Variants in KCNIP1 observed in about 807,000 individuals in gnomAD.
KCNIP1 encodes A-type potassium channel modulatory protein KCNIP1.
In KCNIP1, 18 loss-of-function variants were observed where a neutral mutation model predicts 33.0. The observed-to-expected ratio is 0.55, with a 90% confidence interval of 0.38 to 0.81. KCNIP1 has a LOEUF of 0.81. Among genes scored for constraint, KCNIP1 ranks in the 30% least tolerant of loss-of-function variants. The pLI, the probability that KCNIP1 is intolerant of heterozygous loss-of-function variation, is 0.00. For missense variants in KCNIP1, 238 were observed against 271.6 expected (o/e 0.88, Z 0.87); for synonymous variants, 93 against 98.3 (o/e 0.95, Z 0.32).
intron 1 of KCNIP1, chr5:170,712,823 T>C: frequency 6.2e-7 from 1 of 1,611,688 alleles, no homozygotes; most frequent in Non-Finnish European, 8.5e-7. Flanking sequence ...GATGAATCGA[T>C]TTGGTAAAAT....
chr5:170,575,665 C>T (rs925270573), intron 1 of KCNIP1, among the ~76,000 whole-genome samples: 2 of 152,164 alleles, frequency 1.3e-5, no homozygotes, highest in African/African-American at 4.8e-5. Context: ...TCACTTAGTC[C>T]TCCCACTTGC....
At position 170,718,829 on chromosome 5, in the gene KCNIP1, C is replaced by G; in HGVS notation, c.133C>G (p.Gln45Glu). ...RPEGLEQLEA[Q>E]TNFTKRELQV... ...CGAGGGACTGGAGCAGCTCGAGGCC[C>G]AGACCAACTTCACCAAGAGGGAGCT... is the stretch of plus-strand genomic sequence containing the variant. Residue 45 changes from glutamine (Q) to glutamate (E), a missense_variant, in exon 2 of 8, where the codon CAG becomes GAG. By Grantham distance (29) the Gln-to-Glu change is conservative (BLOSUM62 2). Coordinates refer to ENST00000328939, the MANE Select transcript of KCNIP1 (RefSeq NM_014592.4). 6.2e-7 allele frequency: 1 copy of G among 1,609,862 alleles called. No homozygotes were observed. The highest frequency in any genetic ancestry group is 8.5e-7 in the Non-Finnish European group (1 of 1,178,634).
chr5:170,563,753 G>A (rs144407479), intron 1 of KCNIP1, among the ~76,000 whole-genome samples: 17 of 152,128 alleles, frequency 1.1e-4, no homozygotes, highest in African/African-American at 4.1e-4. Flanking sequence ...CGATTCTCCT[G>A]CCTCAGCCTC....
chr5:170,396,184 A>T (rs1409791492), intron 1 of KCNIP1, among the ~76,000 whole-genome samples: 1 of 152,236 alleles, frequency 6.6e-6, no homozygotes, highest in East Asian at 1.9e-4. Context: ...ATAGGAAACC[A>T]CAGGGAACAG....
chr5:170,383,720 C>T lies in KCNIP1; in HGVS notation c.88+29756C>T, dbSNP rs371750445. 6.8e-6 allele frequency: 11 copies of T among 1,614,066 alleles called. No individual in the cohort carries two copies. In the African/African-American group the frequency reaches 1.5e-4, roughly 22 times the overall value. On this transcript the variant is annotated intron_variant, in intron 1 of 7. Transcript: ENST00000377360. Reference sequence around the variant, plus strand: ...CGAGTGTCCTCCGTGTGGTACAGCACAGCCCACCTGCCGGCAGCTGACACG... The same window carrying T: ...CGAGTGTCCTCCGTGTGGTACAGCATAGCCCACCTGCCGGCAGCTGACACG...
intron 1 of KCNIP1, among the ~76,000 whole-genome samples, chr5:170,528,685 A>C (rs558425678): frequency 9.2e-5 from 14 of 152,344 alleles, no homozygotes; most frequent in Non-Finnish European, 1.8e-4. Flanking sequence ...GTTCATAGAC[A>C]GGAAATCTGT....
At chr5:170,724,405 C>T (rs1763937989) in intron 5 of KCNIP1, among the ~76,000 whole-genome samples, 1 of 151,952 alleles carries the variant, frequency 6.6e-6, no homozygotes, top group African/African-American at 2.4e-5. Flanking sequence ...TTGAATTCAG[C>T]AATATATAAA....
intron 1 of KCNIP1, among the ~76,000 whole-genome samples, chr5:170,673,125 T>G (rs1382270928): frequency 6.6e-6 from 1 of 152,216 alleles, no homozygotes; most frequent in Non-Finnish European, 1.5e-5. Flanking sequence ...TATTTAAAAG[T>G]GTTCGATGAA....
At chr5:170,410,644 G>A (rs1170068551) in intron 1 of KCNIP1, among the ~76,000 whole-genome samples, 2 of 152,122 alleles carry the variant, frequency 1.3e-5, no homozygotes, top group Non-Finnish European at 2.9e-5. Flanking sequence ...GGATTAATAA[G>A]GAAGCTATAA....
intron 1 of KCNIP1, among the ~76,000 whole-genome samples, chr5:170,708,616 G>T (rs1312121119): frequency 6.6e-6 from 1 of 152,194 alleles, no homozygotes; most frequent in Admixed American, 6.5e-5. Context: ...CTTAGAAATT[G>T]AATTAGGCTA....
intron 1 of KCNIP1, among the ~76,000 whole-genome samples, chr5:170,713,123 A>T (rs540637655): frequency 6.6e-6 from 1 of 152,346 alleles, no homozygotes; most frequent in East Asian, 1.9e-4. Context: ...ATTTGTAAAA[A>T]CTCAGAGCCC....
intron 1 of KCNIP1, among the ~76,000 whole-genome samples, chr5:170,399,704 T>C (rs1041331213): frequency 1.3e-5 from 2 of 152,262 alleles, no homozygotes; most frequent in Non-Finnish European, 1.5e-5. Flanking sequence ...TCCCCATTTA[T>C]GTAATATTGC....
At position 170,375,124 on chromosome 5, in the gene KCNIP1, T is replaced by C. The variant is rs1763952609; in HGVS notation, c.88+21160T>C. On this transcript the variant is annotated intron_variant, in intron 1 of 7. Coordinates refer to the KCNIP1 transcript ENST00000377360. ...ATTTTTCTTCCTTTTTTAACTTAAA[T>C]TTTTGAGATAATTGTAGATTCACAT... 2.0e-5 allele frequency: 3 copies of C among 152,356 alleles called. No individual in the cohort carries two copies. In the South Asian group the frequency reaches 6.2e-4, roughly 32 times the overall value. 9.4% of individuals were successfully genotyped at this position (152,356 alleles called of 1,614,324 possible). A position where few individuals can be genotyped will look rare whatever the true frequency, so the allele number is the denominator to read the frequency against.
At chr5:170,495,845 T>C (rs1009376185) in intron 1 of KCNIP1, among the ~76,000 whole-genome samples, 1 of 152,136 alleles carries the variant, frequency 6.6e-6, no homozygotes, top group Admixed American at 6.5e-5. Context: ...TGTCCCAGAG[T>C]CAGTCCTCAG....
chr5:170,727,384 T>G (rs1360734922), intron 5 of KCNIP1, among the ~76,000 whole-genome samples: 1 of 152,106 alleles, frequency 6.6e-6, no homozygotes, highest in Non-Finnish European at 1.5e-5. Flanking sequence ...GTGGTGGAGG[T>G]TACATGGGTG....
At chr5:170,572,977 G>A (rs1247684965) in intron 1 of KCNIP1, among the ~76,000 whole-genome samples, 1 of 152,206 alleles carries the variant, frequency 6.6e-6, no homozygotes, top group East Asian at 1.9e-4. Flanking sequence ...TTGGGAAGGA[G>A]CCTTGGCAGT....
At chr5:170,708,059 G>A (rs1763319548) in intron 1 of KCNIP1, among the ~76,000 whole-genome samples, 1 of 152,132 alleles carries the variant, frequency 6.6e-6, no homozygotes, top group African/African-American at 2.4e-5. Flanking sequence ...GATGAGTTGT[G>A]TGCACTGTGT....
At chr5:170,731,872 CAAAAAAAAAAAAAAA>C (rs1157286321) in intron 5 of KCNIP1, among the ~76,000 whole-genome samples, 2 of 16,900 alleles carry the variant, frequency 1.2e-4, no homozygotes, top group South Asian at 1.9e-3. Flanking sequence ...GACTCCGTCT[CAAAAAAAAAAAAAAA>C]AAAAAAAAAA....
chr5:170,729,417 C>T (rs572954599), intron 5 of KCNIP1, among the ~76,000 whole-genome samples: 3 of 152,132 alleles, frequency 2.0e-5, no homozygotes, highest in Admixed American at 1.3e-4. Flanking sequence ...ATTCATCGTG[C>T]TTATCTTTGT....
Sources: allele counts gnomAD v4.1 joint callset (sites outside exome capture counted in the v4.1 genomes callset), GRCh38; gene constraint gnomAD v4.1.1; transcripts MANE v1.5; gene names NCBI Gene and HGNC (gene_info 2026-07-23, HGNC 2026-07-21).